The following KANSL1L variants were observed in gnomAD, a reference collection of about 807,000 sequenced individuals.
KANSL1L encodes KAT8 regulatory NSL complex subunit 1 like, also known as KAT8 regulatory NSL complex subunit 1-like protein.
KANSL1L carries 25 observed loss-of-function variants against 108.6 expected under a neutral mutation model. The observed-to-expected ratio is 0.23, with a 90% CI of 0.17 to 0.32. The LOEUF is 0.32. Ranked by LOEUF, KANSL1L falls within the 10% of genes least tolerant of loss-of-function variation. KANSL1L has a pLI of 1.00. For synonymous variants in KANSL1L, 405 were observed against 395.1 expected, an observed-to-expected ratio of 1.03 and a Z score of -0.30; for missense variants, 1,137 against 1,125.7, an observed-to-expected ratio of 1.01 and a Z score of -0.14.
chr2:210,146,272 T>G (rs929068429), intron 2 of KANSL1L, among the ~76,000 whole-genome samples: 1 of 152,178 alleles, frequency 6.6e-6, no homozygotes, highest in Non-Finnish European at 1.5e-5. Flanking sequence ...AATTCATACT[T>G]AAACATTTGA....
At chr2:210,094,756 T>C (rs1307385804) in intron 5 of KANSL1L, among the ~76,000 whole-genome samples, 1 of 152,042 alleles carries the variant, frequency 6.6e-6, no homozygotes, top group East Asian at 1.9e-4. Context: ...TTTTAAAAGT[T>C]CAATTCTTAA....
intron 5 of KANSL1L, among the ~76,000 whole-genome samples, chr2:210,080,703 C>G (rs1305486472): frequency 2.0e-5 from 3 of 152,124 alleles, no homozygotes; most frequent in Admixed American, 6.5e-5. Context: ...CAACATATAG[C>G]CAATTAGTAA....
intron 8 of KANSL1L, among the ~76,000 whole-genome samples, chr2:210,036,139 T>C (rs952501906): frequency 6.6e-6 from 1 of 152,136 alleles, no homozygotes; most frequent in African/African-American, 2.4e-5. Flanking sequence ...AACCTCTCTT[T>C]TTCTGCCTTC....
rs73984337 is a variant in KANSL1L at position 210,137,153 on chromosome 2, A to G, written c.1089-7981T>C. Among the ~76,000 whole-genome samples the G allele has an allele frequency of 8.3e-3, 1,265 of 152,322 alleles. 21 individuals are homozygous for G. Among genetic ancestry groups the G allele is most frequent in the African/African-American group, 0.029 (1,190 of 41,578 alleles). ...GAAACCAGTTTAATAAAAATTAAAA[A>G]TATCTTCTAGAGACAGCATTTTTCA... On this transcript the variant is annotated intron_variant, in intron 2 of 14. Transcript: ENST00000281772.
chr2:210,138,067 T>C (rs957162628), intron 2 of KANSL1L, among the ~76,000 whole-genome samples: 1 of 152,138 alleles, frequency 6.6e-6, no homozygotes, highest in African/African-American at 2.4e-5. Context: ...AAGGTACATC[T>C]ATTAGAAACA....
At chr2:210,127,529 G>T (rs1575582848) in intron 3 of KANSL1L, among the ~76,000 whole-genome samples, 2 of 152,092 alleles carry the variant, frequency 1.3e-5, no homozygotes, top group South Asian at 4.2e-4. Context: ...GAGCACAGGG[G>T]CTCACATTTG....
chr2:210,086,906 C>A (rs1166791263), intron 5 of KANSL1L, among the ~76,000 whole-genome samples: 5 of 152,022 alleles, frequency 3.3e-5, no homozygotes. Context: ...GTTTCCTTAT[C>A]TGGCAACATC....
intron 1 of KANSL1L, among the ~76,000 whole-genome samples, chr2:210,168,034 C>A (rs550562387): frequency 6.6e-6 from 1 of 152,108 alleles, no homozygotes; most frequent in African/African-American, 2.4e-5. Context: ...ATGGAACATA[C>A]TAAAAGTAAT....
chr2:210,063,821 G>A (rs1178732046), intron 6 of KANSL1L: 1 of 152,176 alleles, frequency 6.6e-6, no homozygotes, highest in Admixed American at 6.6e-5. Flanking sequence ...TTTCGAATGA[G>A]ACTTTGGACT....
At chr2:210,158,691 T>G (rs1021788838) in intron 1 of KANSL1L, among the ~76,000 whole-genome samples, 2 of 136,778 alleles carry the variant, frequency 1.5e-5, no homozygotes, top group African/African-American at 5.4e-5. Context: ...TATTCCCAAG[T>G]GTATCCTTAT....
intron 8 of KANSL1L, among the ~76,000 whole-genome samples, 162 bp from the exon 9 acceptor site, chr2:210,031,708 AG>A (rs1222013880): frequency 6.6e-6 from 1 of 152,212 alleles, no homozygotes; most frequent in Non-Finnish European, 1.5e-5. Flanking sequence ...AAACATCCCC[AG>A]GAATTTCCAG....
At chr2:210,034,406 G>A (rs1233085593) in intron 8 of KANSL1L, among the ~76,000 whole-genome samples, 1 of 152,158 alleles carries the variant, frequency 6.6e-6, no homozygotes, top group Non-Finnish European at 1.5e-5. Context: ...TGGCCCAAGG[G>A]AACAGGACAA....
intron 5 of KANSL1L, among the ~76,000 whole-genome samples, chr2:210,077,175 T>C (rs10490029): frequency 0.42 from 63,553 of 151,928 alleles, 13,410 homozygotes; most frequent in East Asian, 0.51. Flanking sequence ...ATTTGGTGAC[T>C]ATCATACATT....
chr2:210,104,878 A>G (rs1359468160), intron 3 of KANSL1L, among the ~76,000 whole-genome samples: 1 of 152,148 alleles, frequency 6.6e-6, no homozygotes, highest in Non-Finnish European at 1.5e-5. Flanking sequence ...AGGCCAATCA[A>G]AGTTCCCACT....
chr2:210,096,937 T>A, intron 5 of KANSL1L: 1 of 278,184 alleles, frequency 3.6e-6, no homozygotes, highest in Non-Finnish European at 5.4e-6. Context: ...TTTTATTTTT[T>A]ATTATTTATT....
chr2:210,128,181 C>T (rs1054896678), intron 3 of KANSL1L, among the ~76,000 whole-genome samples: 2 of 152,064 alleles, frequency 1.3e-5, no homozygotes, highest in Non-Finnish European at 2.9e-5. Context: ...ACTGGTATAG[C>T]CACTGTGAAA....
intron 1 of KANSL1L, among the ~76,000 whole-genome samples, chr2:210,156,734 T>C (rs533140775): frequency 1.3e-5 from 2 of 152,200 alleles, no homozygotes; most frequent in South Asian, 2.1e-4. Context: ...CTAAAAGTGA[T>C]AGTTCAAGGG....
At chr2:210,057,102 G>A (rs574226773) in intron 6 of KANSL1L, among the ~76,000 whole-genome samples, 1 of 152,250 alleles carries the variant, frequency 6.6e-6, no homozygotes, top group Admixed American at 6.5e-5. Context: ...TGGAAATTAT[G>A]TTGTTTAAGA....
At chr2:210,138,977 T>C (rs1196735412) in intron 2 of KANSL1L, among the ~76,000 whole-genome samples, 1 of 152,010 alleles carries the variant, frequency 6.6e-6, no homozygotes, top group East Asian at 1.9e-4. Context: ...CAGGTGTCTG[T>C]AATCCCAGCT....
Sources: allele counts gnomAD v4.1 joint callset (sites outside exome capture counted in the v4.1 genomes callset), GRCh38; gene constraint gnomAD v4.1.1; transcripts MANE v1.5; gene names NCBI Gene and HGNC (gene_info 2026-07-23, HGNC 2026-07-21).